The following MUC4 variants were observed in gnomAD, a reference collection of about 807,000 sequenced individuals.
The protein encoded by MUC4 is mucin 4, cell surface associated.
In MUC4, 202 loss-of-function variants were observed where a neutral mutation model predicts 257.9. The observed-to-expected ratio is 0.78, with a 90% CI of 0.70 to 0.88. The LOEUF is 0.88. MUC4 is among the 40% of genes least tolerant of loss of function. The pLI is 0.00. For synonymous variants in MUC4, 2,351 were observed against 2,757.1 expected (o/e 0.85, Z 4.62); for missense variants, 5,976 against 6,513.7 (o/e 0.92, Z 2.84).
chr3:195,766,438 G>A (rs1397301677), intron 8 of MUC4, among the ~76,000 whole-genome samples: 1 of 152,070 alleles, frequency 6.6e-6, no homozygotes, highest in Admixed American at 6.5e-5. Context: ...AGGAGATGTA[G>A]CCCCCTCTGA....
chr3:195,807,030 C>T (rs1384603631), intron 1 of MUC4, among the ~76,000 whole-genome samples: 1 of 152,184 alleles, frequency 6.6e-6, no homozygotes, highest in Non-Finnish European at 1.5e-5. Flanking sequence ...TAAACACATA[C>T]ACGGGGAGTG....
chr3:195,791,547 C>A (rs1733867621), intron 1 of MUC4, 50 bp from the exon 2 acceptor site: 1 of 1,178,440 alleles, frequency 8.5e-7, no homozygotes, highest in Non-Finnish European at 1.2e-6. Flanking sequence ...TGAATGAACT[C>A]CTATTCACAA....
chr3:195,783,344 A>T lies in MUC4; in HGVS notation c.8236T>A (p.Ser2746Thr). Residue 2746 changes from serine (S) to threonine (T), a missense_variant, in exon 2 of 25, where the codon TCC (serine) becomes ACC (threonine). Physicochemically the swap from Ser to Thr is moderately conservative, Grantham distance 58. Transcript: ENST00000463781. The stretch of plus-strand genomic sequence containing the variant: ...GGAAGAGGGGTGGTGTCACCTGTGG[A>T]TACTGAGGAAGTCTCGGTGACAAGA... ...PLLVTETSSV[S>T]TGDTTPLPVT... 19 of 1,068,900 alleles carry T rather than the reference A, an allele frequency of 1.8e-5. 1 individual carries two copies. Among genetic ancestry groups the T allele is most frequent in the East Asian group, 3.5e-5 (1 of 28,554 alleles). 66.2% of individuals were successfully genotyped at this position (1,068,900 alleles called of 1,614,324 possible). A position where few individuals can be genotyped will look rare whatever the true frequency, so the allele number is the denominator to read the frequency against.
rs200550435 is a variant in MUC4 at position 195,786,479 on chromosome 3, C to A, written c.5101G>T (p.Asp1701Tyr). The A allele has an allele frequency of 7.9e-6, 12 of 1,519,938 alleles. 2 individuals carry two copies. Among genetic ancestry groups the A allele is most frequent in the Non-Finnish European group, 1.1e-5 (12 of 1,130,888 alleles). The allele number at this position is 1,519,938 out of a possible 1,614,324, so 94.2% of individuals were successfully genotyped here. A position where few individuals can be genotyped will look rare whatever the true frequency, so the allele number is the denominator to read the frequency against. ...TDDTTRLPVT[D>Y]VSSASTGQAT... ...TGACCTGTGGATGCCGAGGAAACGT[C>A]GGTGACAGGAAGACGGGTGGTGTCA... The change falls in exon 2 of 25, where the codon GAC (aspartate) becomes TAC (tyrosine). Residue 1701 changes from aspartate (D) to tyrosine (Y), a missense_variant. Around this residue, in one of 44 missense-constraint regions of MUC4, gnomAD observed 138 missense variants for 107.8 expected, o/e 1.28. Coordinates refer to ENST00000463781, the MANE Select transcript of MUC4 (RefSeq NM_018406.7).
Position 195,765,286 on chromosome 3 carries a change from G to A in MUC4, c.13782C>T (p.Phe4594=). 1 of 1,612,754 alleles carries A rather than the reference G, an allele frequency of 6.2e-7. No individual in the cohort carries two copies. Among genetic ancestry groups the A allele is most frequent in the Non-Finnish European group, 8.5e-7 (1 of 1,179,420 alleles). ...SWQQGRRDLR[F]QPVSIGRWGL... ...AGGTGTCACCTATGCTGACGGGTTG[G>A]AATCGTAAGTCCCGTCGTCCCTGCT... Residue 4594 remains phenylalanine (F), a synonymous_variant, in exon 9 of 25, where the codon TTC becomes TTT. Coordinates refer to ENST00000463781, the MANE Select transcript of MUC4 (RefSeq NM_018406.7).
chr3:195,749,044 C>A lies in MUC4; in HGVS notation c.15892G>T (p.Ala5298Ser), dbSNP rs1371945232. ...VTALNVSTLK[A>S]YFRCDGYKGY... ...TTGTAGCCATCGCATCTGAAGTAAG[C>A]CTTCAGCGTGCTCACGTTCACTGTC... The change falls in exon 24 of 25, where the codon GCT becomes TCT. Residue 5298 changes from alanine to serine, a missense_variant. Coordinates refer to ENST00000463781, the MANE Select transcript of MUC4 (RefSeq NM_018406.7). The A allele has an allele frequency of 1.3e-5, 21 of 1,606,548 alleles. No homozygotes were observed. Among genetic ancestry groups the A allele is most frequent in the Non-Finnish European group, 1.8e-5 (21 of 1,175,532 alleles).
chr3:195,750,668 C>T, intron 23 of MUC4: 1 of 584,714 alleles, frequency 1.7e-6, no homozygotes, highest in East Asian at 2.8e-5. Flanking sequence ...AAGGCCCTGG[C>T]TGGGTGCTTG....
rs368190725 is a variant in MUC4, at chr3:195,789,625, G to A, written c.1955C>T (p.Thr652Met). The A allele has an allele frequency of 2.7e-5, 44 of 1,613,858 alleles. No homozygotes were observed. Among genetic ancestry groups the A allele is most frequent in the Middle Eastern group, 1.6e-4 (1 of 6,084 alleles). The change falls in exon 2 of 25, where the codon ACG (threonine) becomes ATG (methionine). Residue 652 changes from threonine to methionine, a missense_variant. Physicochemically the swap from Thr to Met is moderately conservative, Grantham distance 81. Coordinates refer to ENST00000463781, the MANE Select transcript of MUC4 (RefSeq NM_018406.7). The stretch of plus-strand genomic sequence containing the variant: ...GTCAGTCATGGGGGAGACGGACCTC[G>A]TGGTTTGTGATTCTTGTGTGGTCTG... Reference protein sequence around the residue: ...APQTTQESQTTRSVSPMTDTK... With the variant: ...APQTTQESQTMRSVSPMTDTK...
At chr3:195,748,429 T>C (rs1268191162) in intron 24 of MUC4, among the ~76,000 whole-genome samples, 6 of 152,358 alleles carry the variant, frequency 3.9e-5, no homozygotes, top group African/African-American at 1.4e-4. Context: ...CTGGGCGTGG[T>C]GGTGCATGCC....
chr3:195,758,982 C>T (rs1718238635), intron 17 of MUC4, 142 bp downstream of exon 17: 8 of 1,204,516 alleles, frequency 6.6e-6, no homozygotes, highest in African/African-American at 1.5e-5. Context: ...TATCGCTCCT[C>T]GGAAATGCCG....
chr3:195,770,145 G>C (rs1242320765), intron 6 of MUC4, 71 bp downstream of exon 6: 1 of 1,393,664 alleles, frequency 7.2e-7, no homozygotes, highest in African/African-American at 1.5e-5. Context: ...TTGGAAGAGT[G>C]GCCCCTGCCT....
Position 195,763,789 on chromosome 3 carries a change from T to C in MUC4, c.14045-148A>G. 3.9e-6 allele frequency: 4 copies of C among 1,033,852 alleles called. 1 individual carries two copies. The South Asian group carries it at 7.2e-5, about 19-fold the overall frequency. 64.0% of individuals were successfully genotyped at this position (1,033,852 alleles called of 1,614,324 possible). On this transcript the variant is annotated intron_variant, in intron 11 of 24. Transcript: ENST00000463781. ...GACTGGGGCACTTGTCCGGGCGGAC[T>C]CAGCTGGGGAGATGTTCACAGAGCA...
chr3:195,767,675 C>CCACCATCAT (rs1380947382), intron 7 of MUC4, among the ~76,000 whole-genome samples: 175 of 11,218 alleles, frequency 0.016, 5 homozygotes, highest in African/African-American at 0.042. Context: ...ATCACCATCA[C>CCACCATCAT]CACCATCACT....
rs1322415567 is a variant in MUC4 at position 195,790,148 on chromosome 3, C to A, written c.1432G>T (p.Glu478Ter). 1.2e-6 allele frequency: 2 copies of A among 1,613,892 alleles called. No individual in the cohort carries two copies. Among genetic ancestry groups the A allele is most frequent in the Admixed American group, 3.3e-5 (2 of 60,000 alleles). Residue 478 changes from glutamate to a stop codon, truncating the protein, a stop_gained, in exon 2 of 25, where the codon GAA (glutamate) becomes TAA (stop). Transcript: ENST00000463781. LOFTEE classifies it high-confidence loss of function. ...GTTGTTTCATGTAGAGTAAATATTT[C>A]TTGAGACACACCTGGAGAGAATGAG... ...RSSFSPGVSQ[E>*]IFTLHETTTW...
intron 4 of MUC4, 46 bp from the exon 5 acceptor site, chr3:195,771,862 G>A: frequency 6.3e-7 from 1 of 1,597,646 alleles, no homozygotes; most frequent in Non-Finnish European, 8.6e-7. Context: ...GGGAAGTGGG[G>A]AGGAAAGTCC....
intron 1 of MUC4, chr3:195,809,608 T>C (rs842459): frequency 0.84 from 127,244 of 152,314 alleles, 53,807 homozygotes; most frequent in African/African-American, 0.96. Context: ...CGGGTCGTCA[T>C]GGAGACGCCC....
In MUC4 at chr3:195,760,970, T is replaced by C. The variant is rs371539332; in HGVS notation, c.14762A>G (p.Tyr4921Cys). The C allele has an allele frequency of 9.3e-6, 15 of 1,614,106 alleles. No homozygotes were observed. Among genetic ancestry groups the C allele is most frequent in the African/African-American group, 4.0e-5 (3 of 74,934 alleles). Residue 4921 changes from tyrosine to cysteine, a missense_variant, in exon 16 of 25, where the codon TAT (tyrosine) becomes TGT (cysteine). Tyr to Cys is a radical substitution (Grantham distance 194). This residue lies in a region of MUC4 where 996 missense variants were observed against 1,137.3 expected (regional missense o/e 0.88). Coordinates refer to ENST00000463781, the MANE Select transcript of MUC4 (RefSeq NM_018406.7). ...SNCDGDSSCIYDTLALRNASI... is the reference protein window; with the variant it reads ...SNCDGDSSCICDTLALRNASI... ...TGCGTTGCGCAGGGCCAGGGTGTCATAGATGCATGAGCTATCTCCGTCACA... is the reference window on the plus strand; with the variant it reads ...TGCGTTGCGCAGGGCCAGGGTGTCACAGATGCATGAGCTATCTCCGTCACA...
chr3:195,804,373 G>T (rs766609952), intron 1 of MUC4, among the ~76,000 whole-genome samples: 25 of 152,232 alleles, frequency 1.6e-4, no homozygotes, highest in African/African-American at 5.8e-4. Flanking sequence ...CAGGTGTGCC[G>T]AGGTGACAGG....
rs1472909855 is a variant in MUC4, at chr3:195,767,528, T to TCATCACCACCATCAC, written c.13530-778_13530-777insGTGATGGTGGTGATG. Among the ~76,000 whole-genome samples the TCATCACCACCATCAC allele has an allele frequency of 3.1e-3, 87 of 28,112 alleles. 1 individual carries two copies. In the East Asian group the frequency reaches 0.055, roughly 18 times the overall value. The allele number at this position is 28,112 out of a possible 152,430, so 18.4% of individuals were successfully genotyped here. A position where few individuals can be genotyped will look rare whatever the true frequency, so the allele number is the denominator to read the frequency against. On this transcript the variant is annotated intron_variant, in intron 7 of 24. Transcript: ENST00000463781. ...ACCACCATCACCATCACCACCACCA[T>TCATCACCACCATCAC]CGCCACCACCATCATCACCATCACC...
Sources: gnomAD v4.1 joint callset for allele counts (sites outside exome capture counted in the v4.1 genomes callset) on GRCh38, gnomAD v4.1.1 for gene constraint, gnomAD v4.1.1 regional missense constraint, MANE v1.5 for transcripts, NCBI Gene and HGNC (gene_info 2026-07-23, HGNC 2026-07-21) for gene names.